Variants in NSMF observed in about 807,000 individuals in gnomAD.
The protein encoded by NSMF is nasal embryonic LHRH factor.
A neutral mutation model predicts 71.0 loss-of-function variants in NSMF; 31 were observed. That is an observed-to-expected ratio of 0.44 (90% confidence interval 0.33 to 0.59). The LOEUF is 0.59. Ranked by LOEUF, NSMF falls within the 20% of genes least tolerant of loss-of-function variation. The pLI is 0.04. For missense variants in NSMF, 673 were observed against 740.5 expected (o/e 0.91, Z 1.06); for synonymous variants, 345 against 287.1 (o/e 1.20, Z -2.04).
intron 14 of NSMF, 99 bp downstream of exon 14, chr9:137,449,824 G>T (rs1023128452): frequency 8.9e-6 from 12 of 1,343,194 alleles, no homozygotes; most frequent in Non-Finnish European, 1.2e-5. Context: ...AATGCCCGGG[G>T]GAAGGAAAAA....
intron 2 of NSMF, 81 bp from the exon 3 acceptor site, chr9:137,457,982 C>T: frequency 6.5e-7 from 1 of 1,529,650 alleles, no homozygotes; most frequent in South Asian, 1.2e-5. Context: ...AGGCAGAGAA[C>T]ACCCAGTGGG....
intron 5 of NSMF, 38 bp from the exon 6 acceptor site, chr9:137,455,345 G>T: frequency 6.2e-7 from 1 of 1,606,052 alleles, no homozygotes; most frequent in Non-Finnish European, 8.5e-7. Flanking sequence ...CCCTTGGCCG[G>T]AGGCAGGAGG....
At position 137,457,652 on chromosome 9, in the gene NSMF, C is replaced by G. The variant is rs908087374; in HGVS notation, c.383G>C (p.Arg128Pro). ...AIELAVVKGR[R>P]QRHPHHHSQP... ...GCTGTGATGGTGAGGGTGCCGCTGC[C>G]GCCGCCCCTTCACCACCGCCAGCTC... Residue 128 changes from arginine to proline, a missense_variant, in exon 3 of 16, where the codon CGG (arginine) becomes CCG (proline). Physicochemically the swap from Arg to Pro is moderately radical, Grantham distance 103. Transcript: ENST00000371475. 6.5e-7 allele frequency: 1 copy of G among 1,549,518 alleles called. No homozygotes were observed. Among genetic ancestry groups the G allele is most frequent in the South Asian group, 1.2e-5 (1 of 84,178 alleles).
In NSMF at chr9:137,449,676, T is replaced by TG. The variant is rs1839809539; in HGVS notation, c.1420-3dup. ...GAGGGTCCTGAGGTTCTGGAACAGC[T>TG]GGAGGAAGCGGGGTGCCATGAGTCC... On this transcript the variant is annotated splice_region_variant and splice_polypyrimidine_tract_variant and intron_variant, in intron 14 of 15. Coordinates refer to ENST00000371475, the MANE Select transcript of NSMF (RefSeq NM_001130969.3). 1 of 1,611,820 alleles carries TG rather than the reference T, an allele frequency of 6.2e-7. No individual in the cohort carries two copies. The highest frequency in any genetic ancestry group is 1.7e-5 in the Admixed American group (1 of 59,766).
intron 6 of NSMF, chr9:137,454,832 C>T (rs966803260): frequency 2.1e-5 from 26 of 1,262,178 alleles, no homozygotes; most frequent in African/African-American, 6.0e-5. Context: ...CACCCCATGG[C>T]GGGCTGGGGG....
chr9:137,457,634 T>TGGTGAG lies in NSMF; in HGVS notation c.395_400dup (p.Pro132_His133dup), dbSNP rs761249765. 22 of 1,549,750 alleles carry TGGTGAG rather than the reference T, an allele frequency of 1.4e-5. No individual in the cohort carries two copies. In the South Asian group the frequency reaches 2.3e-4, roughly 16 times the overall value. On this transcript the variant is annotated inframe_insertion, in exon 3 of 16. Coordinates refer to ENST00000371475, the MANE Select transcript of NSMF (RefSeq NM_001130969.3). ...GCTGGCGCGCAGGGGCTGGCTGTGA[T>TGGTGAG]GGTGAGGGTGCCGCTGCCGCCGCCC...
chr9:137,458,692 C>A (rs906990916), intron 1 of NSMF, 143 bp from the exon 2 acceptor site: 13 of 840,200 alleles, frequency 1.5e-5, no homozygotes, highest in Non-Finnish European at 2.1e-5. Flanking sequence ...CGGGAGCCCA[C>A]ACACCCTTGG....
intron 1 of NSMF, 99 bp from the exon 2 acceptor site, chr9:137,458,648 G>T: frequency 8.3e-7 from 1 of 1,206,692 alleles, no homozygotes. Context: ...CCAGGCCCTC[G>T]GCGTCTGGAA....
Position 137,459,239 on chromosome 9 carries a change from G to A in NSMF, c.-137C>T. The A allele has an allele frequency of 1.7e-6, 1 of 572,214 alleles. No individual in the cohort carries two copies. Among genetic ancestry groups the A allele is most frequent in the Non-Finnish European group, 2.3e-6 (1 of 443,532 alleles). 35.4% of individuals were successfully genotyped at this position (572,214 alleles called of 1,614,324 possible). On this transcript the variant is annotated 5_prime_UTR_variant, in exon 1 of 16. Coordinates refer to ENST00000371475, the MANE Select transcript of NSMF (RefSeq NM_001130969.3). ...TCGCTCGGGCTCCGGCTCGGGCTTG[G>A]GCTCGGGGTCGGGCTCGGGGTCGGG... is the stretch of plus-strand genomic sequence containing the variant.
At chr9:137,458,767 G>T (rs893313563) in intron 1 of NSMF, among the ~76,000 whole-genome samples, 7 of 152,122 alleles carry the variant, frequency 4.6e-5, no homozygotes, top group East Asian at 1.9e-4. Context: ...GAGAGGGGTC[G>T]CGAGGCCGGT....
intron 9 of NSMF, 83 bp downstream of exon 9, chr9:137,452,973 G>T: frequency 6.3e-7 from 1 of 1,597,262 alleles, no homozygotes; most frequent in African/African-American, 1.3e-5. Flanking sequence ...AGGCTGCGTG[G>T]TCCCAGGCAG....
In NSMF at chr9:137,449,935, G is replaced by C; in HGVS notation, c.1407C>G (p.Pro469=). ...HIMGCYILGN[P]NGEKLFQNLR... ...GGGGTCACTGTACCTTCTCTCCATT[G>C]GGGTTCCCCAGAATGTAGCAGCCCA... is the stretch of plus-strand genomic sequence containing the variant. The change falls in exon 14 of 16, where the codon CCC becomes CCG. Residue 469 remains proline, a synonymous_variant. Transcript: ENST00000371475. 1 of 1,612,860 alleles carries C rather than the reference G, an allele frequency of 6.2e-7. No individual in the cohort carries two copies. Among genetic ancestry groups the C allele is most frequent in the Non-Finnish European group, 8.5e-7 (1 of 1,179,652 alleles).
chr9:137,456,197 T>G (rs1160793024), intron 4 of NSMF, among the ~76,000 whole-genome samples: 1 of 139,418 alleles, frequency 7.2e-6, no homozygotes, highest in Non-Finnish European at 1.5e-5. Flanking sequence ...GTCCCCTGAC[T>G]GTGTGTGTGT....
In NSMF at chr9:137,453,316, G is replaced by T; in HGVS notation, c.923-136C>A. The T allele has an allele frequency of 7.9e-7, 1 of 1,273,052 alleles. No homozygotes were observed. Among genetic ancestry groups the T allele is most frequent in the Non-Finnish European group, 1.1e-6 (1 of 912,152 alleles). The allele number at this position is 1,273,052 out of a possible 1,614,324, so 78.9% of individuals were successfully genotyped here. ...CAAGTGGGAGGACCATACAGAGGTCGCCGCCAGCCCGGCAGGACAGGCCTG... is the reference window on the plus strand; with the variant it reads ...CAAGTGGGAGGACCATACAGAGGTCTCCGCCAGCCCGGCAGGACAGGCCTG... On this transcript the variant is annotated intron_variant, in intron 8 of 15. Coordinates refer to ENST00000371475, the MANE Select transcript of NSMF (RefSeq NM_001130969.3). This position sits in a 1 kb window ranked among gnomAD's most constrained non-coding sequence, Gnocchi z 4.5.
intron 3 of NSMF, 83 bp from the exon 4 acceptor site, chr9:137,456,569 C>T: frequency 1.2e-6 from 1 of 805,102 alleles, no homozygotes; most frequent in East Asian, 3.1e-5. Context: ...GCAGATGCTT[C>T]TGGGTCCAGG....
In NSMF at chr9:137,450,165, C is replaced by A. The variant is rs1390710893; in HGVS notation, c.1316+11G>T. 1.2e-6 allele frequency: 2 copies of A among 1,612,878 alleles called. No homozygotes were observed. Among genetic ancestry groups the A allele is most frequent in the South Asian group, 1.1e-5 (1 of 91,062 alleles). ...CAGCCCTCCCCGCGCCCAGGGCACC[C>A]GGCTTCTCACTGAATCATGTCCTCT... On this transcript the variant is annotated intron_variant, in intron 13 of 15. Transcript: ENST00000371475.
intron 7 of NSMF, 32 bp downstream of exon 7, chr9:137,454,359 C>T (rs1830722136): frequency 1.9e-6 from 3 of 1,546,100 alleles, no homozygotes; most frequent in South Asian, 2.4e-5. Context: ...AGCGCAACGC[C>T]GCCCCCCCAC....
chr9:137,452,746 G>T lies in NSMF; in HGVS notation c.1121C>A (p.Pro374His). ...IIRRDDPSII[P>H]ILYDHEHATF... ...CGGGGCGGGACTCACGTAGAGGATG[G>T]GGATGATGGAGGGGTCATCCCGGCG... The change falls in exon 10 of 16, where the codon CCC becomes CAC. Residue 374 changes from proline (P) to histidine (H), a missense_variant. Physicochemically the swap from Pro to His is moderately conservative, Grantham distance 77. Transcript: ENST00000371475. 1 of 1,606,884 alleles carries T rather than the reference G, an allele frequency of 6.2e-7. No individual in the cohort carries two copies.
intron 6 of NSMF, chr9:137,454,699 G>C: frequency 6.6e-7 from 1 of 1,516,850 alleles, no homozygotes; most frequent in African/African-American, 1.4e-5. Flanking sequence ...GTCTCCTCCC[G>C]AGCTGCATTC....
Sources: gnomAD v4.1 joint callset for allele counts (sites outside exome capture counted in the v4.1 genomes callset) on GRCh38, gnomAD v4.1.1 for gene constraint, Gnocchi (gnomAD v3.1) non-coding constraint, MANE v1.5 for transcripts, NCBI Gene and HGNC (gene_info 2026-07-23, HGNC 2026-07-21) for gene names.